The following VPS13B variants were observed in gnomAD, a reference collection of about 807,000 sequenced individuals.
VPS13B encodes the protein vacuolar protein sorting 13 homolog B, also known as intermembrane lipid transfer protein VPS13B.
VPS13B carries 285 observed loss-of-function variants against 426.4 expected under a neutral mutation model. The ratio of observed to expected loss-of-function variants is 0.67; its 90% CI spans 0.61 to 0.74. The LOEUF is 0.74. VPS13B is among the 30% of genes least tolerant of loss of function. VPS13B has a pLI of 0.00. For synonymous variants in VPS13B, 1,676 were observed against 1,676.4 expected (o/e 1.00, Z 0.01); for missense variants, 4,537 against 4,782.6 (o/e 0.95, Z 1.51).
chr8:99,746,903 T>G (rs1810116852), intron 39 of VPS13B, among the ~76,000 whole-genome samples: 1 of 152,126 alleles, frequency 6.6e-6, no homozygotes, highest in Non-Finnish European at 1.5e-5. Flanking sequence ...TTTATTTCAG[T>G]GATAAATATC....
chr8:99,871,036 T>C (rs763755302), intron 60 of VPS13B, 149 bp downstream of exon 60: 3 of 805,254 alleles, frequency 3.7e-6, no homozygotes, highest in African/African-American at 1.7e-5. Context: ...AAGAGCACTG[T>C]AGAGGGACAG....
At chr8:99,064,538 TGAGAA>T (rs1844369387) in intron 3 of VPS13B, among the ~76,000 whole-genome samples, 1 of 151,902 alleles carries the variant, frequency 6.6e-6, no homozygotes, top group Non-Finnish European at 1.5e-5. Flanking sequence ...TGAAATAAAA[TGAGAA>T]GAGAAGTTTA....
chr8:99,835,910 C>A (rs1030785360), intron 54 of VPS13B, among the ~76,000 whole-genome samples, 172 bp downstream of exon 54: 1 of 152,142 alleles, frequency 6.6e-6, no homozygotes, highest in South Asian at 2.1e-4. Flanking sequence ...TTCTCAAACT[C>A]AAGTATGTAT....
At chr8:99,126,190 GA>G (rs1334148250) in intron 8 of VPS13B, among the ~76,000 whole-genome samples, 1 of 152,110 alleles carries the variant, frequency 6.6e-6, no homozygotes, top group Admixed American at 6.5e-5. Context: ...TAGAAAAGGT[GA>G]TAGCGGTTTT....
At chr8:99,633,454 A>G (rs1219135870) in intron 33 of VPS13B, among the ~76,000 whole-genome samples, 1 of 152,008 alleles carries the variant, frequency 6.6e-6, no homozygotes, top group African/African-American at 2.4e-5. Context: ...GATGTGATAC[A>G]GTTGTTTCTG....
chr8:99,545,326 G>A (rs1046684262), intron 30 of VPS13B, among the ~76,000 whole-genome samples: 1 of 152,084 alleles, frequency 6.6e-6, no homozygotes, highest in Non-Finnish European at 1.5e-5. Flanking sequence ...TTCTAGGGCA[G>A]TGCCTTCTAG....
intron 40 of VPS13B, among the ~76,000 whole-genome samples, chr8:99,770,070 G>A (rs1811404749): frequency 6.6e-6 from 1 of 152,034 alleles, no homozygotes; most frequent in Non-Finnish European, 1.5e-5. Flanking sequence ...AAGGTGGGAG[G>A]ACTGCTTGAG....
At chr8:99,488,444 C>T (rs977032129) in intron 25 of VPS13B, among the ~76,000 whole-genome samples, 1 of 151,876 alleles carries the variant, frequency 6.6e-6, no homozygotes, top group Non-Finnish European at 1.5e-5. Flanking sequence ...TACTTTCCTA[C>T]TCTTTGTTGT....
At chr8:99,110,551 G>C (rs531069675) in intron 5 of VPS13B, among the ~76,000 whole-genome samples, 1 of 152,038 alleles carries the variant, frequency 6.6e-6, no homozygotes, top group South Asian at 2.1e-4. Flanking sequence ...TGGCTGTTGA[G>C]CACTTGAAAT....
In VPS13B at chr8:99,514,698, C is replaced by T. The variant is rs542879873; in HGVS notation, c.4633+3186C>T. 2.6e-5 allele frequency among the ~76,000 whole-genome samples: 4 copies of T among 152,288 alleles called. No individual in the cohort carries two copies. In the South Asian group the frequency reaches 8.3e-4, roughly 32 times the overall value. ...TAATTAATCTGTTGGGCAGTTGGGTCATTTCCACCCTTTTTTGGTTTAATG... is the reference window on the plus strand; with the variant it reads ...TAATTAATCTGTTGGGCAGTTGGGTTATTTCCACCCTTTTTTGGTTTAATG... On this transcript the variant is annotated intron_variant, in intron 29 of 61. Transcript: ENST00000357162.
intron 25 of VPS13B, among the ~76,000 whole-genome samples, chr8:99,498,541 A>C (rs1821053554): frequency 6.6e-6 from 1 of 152,260 alleles, no homozygotes; most frequent in African/African-American, 2.4e-5. Context: ...AATAAAAAAA[A>C]CAATAAAAAA....
At chr8:99,303,516 A>C (rs972383410) in intron 19 of VPS13B, among the ~76,000 whole-genome samples, 5 of 151,480 alleles carry the variant, frequency 3.3e-5, no homozygotes, top group African/African-American at 1.2e-4. Flanking sequence ...ATTCAGTAAA[A>C]TTCCAGTAGT....
intron 51 of VPS13B, among the ~76,000 whole-genome samples, chr8:99,827,353 G>A (rs75520212): frequency 0.12 from 17,664 of 152,104 alleles, 1,069 homozygotes; most frequent in Non-Finnish European, 0.13. Flanking sequence ...TAGTTTATTC[G>A]CATAGAGGTG....
At chr8:99,763,379 T>A (rs1017739299) in intron 39 of VPS13B, among the ~76,000 whole-genome samples, 7 of 152,158 alleles carry the variant, frequency 4.6e-5, no homozygotes, top group African/African-American at 1.7e-4. Flanking sequence ...TTTGAACATT[T>A]GCTGTATTCA....
In VPS13B at chr8:99,136,694, A is replaced by G. The variant is rs1435002712; in HGVS notation, c.1593A>G (p.Gln531=). 1.1e-5 allele frequency: 18 copies of G among 1,613,638 alleles called. No individual in the cohort carries two copies. Among genetic ancestry groups the G allele is most frequent in the Non-Finnish European group, 1.5e-5 (18 of 1,179,666 alleles). ...KETYTEIAGM[Q]RFGAFYMDYL... ...CATACACTGAGATAGCTGGAATGCA[A>G]CGGTTTGGGGCTTTTTATATGGATT... The change falls in exon 12 of 62, where the codon CAA becomes CAG. Residue 531 remains glutamine (Q), a synonymous_variant. Coordinates refer to ENST00000357162, the MANE Select transcript of VPS13B (RefSeq NM_152564.5).
chr8:99,679,528 T>C lies in VPS13B; in HGVS notation c.6046+18037T>C, dbSNP rs1831072975. Among the ~76,000 whole-genome samples, 3 of 152,322 alleles carry C rather than the reference T, an allele frequency of 2.0e-5. No individual in the cohort carries two copies. In the South Asian group the frequency reaches 6.2e-4, roughly 32 times the overall value. ...ATACGTTTCTGAGTAATTTTGCTAG[T>C]AGTGATGATGTCCAGATCCCAGTGA... On this transcript the variant is annotated intron_variant, in intron 35 of 61. Coordinates refer to ENST00000357162, the MANE Select transcript of VPS13B (RefSeq NM_152564.5).
At chr8:99,642,650 G>C in intron 34 of VPS13B, 152 bp downstream of exon 34, 1 of 695,688 alleles carries the variant, frequency 1.4e-6, no homozygotes, top group Non-Finnish European at 2.4e-6. Flanking sequence ...GCTGAATCCT[G>C]TTTAAGTAAA....
chr8:99,875,766 G>A lies in VPS13B; in HGVS notation c.*100G>A. On this transcript the variant is annotated 3_prime_UTR_variant, in exon 62 of 62. Transcript: ENST00000357162. Reference sequence around the variant, plus strand: ...TGCCCTTGCTGACCTCAAATTCTGGGGTTCAAGCAATCCTCCCACCTCAAC... The same window carrying A: ...TGCCCTTGCTGACCTCAAATTCTGGAGTTCAAGCAATCCTCCCACCTCAAC... 2.0e-6 allele frequency: 3 copies of A among 1,508,112 alleles called. No homozygotes were observed. Among genetic ancestry groups the A allele is most frequent in the Non-Finnish European group, 2.7e-6 (3 of 1,098,718 alleles). The allele number at this position is 1,508,112 out of a possible 1,614,324, so 93.4% of individuals were successfully genotyped here.
intron 54 of VPS13B, among the ~76,000 whole-genome samples, chr8:99,839,139 T>C (rs940584154): frequency 6.6e-6 from 1 of 152,216 alleles, no homozygotes; most frequent in Non-Finnish European, 1.5e-5. Context: ...AGAAAGTGAA[T>C]TAAAATGACC....
Sources: gnomAD v4.1 joint callset for allele counts (sites outside exome capture counted in the v4.1 genomes callset) on GRCh38, gnomAD v4.1.1 for gene constraint, MANE v1.5 for transcripts, NCBI Gene and HGNC (gene_info 2026-07-23, HGNC 2026-07-21) for gene names.